The following FAP variants were observed in gnomAD, a reference collection of about 807,000 sequenced individuals.
The protein encoded by FAP is fibroblast activation protein alpha.
In FAP, 110 loss-of-function variants were observed where a neutral mutation model predicts 126.5. That is an observed-to-expected ratio of 0.87 (90% CI 0.74 to 1.02). FAP has a LOEUF of 1.02. Ranked by LOEUF, FAP falls within the 50% of genes least tolerant of loss-of-function variation. The pLI is 0.00. For synonymous variants in FAP, 334 were observed against 297.3 expected (o/e 1.12, Z -1.27); for missense variants, 919 against 909.2 (o/e 1.01, Z -0.14).
At chr2:162,213,308 G>A (rs1205265518) in intron 11 of FAP, among the ~76,000 whole-genome samples, 3 of 151,316 alleles carry the variant, frequency 2.0e-5, no homozygotes, top group Non-Finnish European at 2.9e-5. Context: ...CCTGGGAGAC[G>A]GAGGTTGCAG....
In FAP at chr2:162,189,180, GAA is replaced by G. The variant is rs752602628; in HGVS notation, c.1550-10_1550-9del. On this transcript the variant is annotated splice_polypyrimidine_tract_variant and intron_variant, in intron 18 of 25. Transcript: ENST00000188790. Reference sequence around the variant, plus strand: ...TCATCTTGTACCATAAAGCTTTGAGGAAAAAAAAAGGAGAAAAATCTTCATTC... The same window carrying G: ...TCATCTTGTACCATAAAGCTTTGAGGAAAAAAAGGAGAAAAATCTTCATTC... The G allele has an allele frequency of 2.0e-6, 3 of 1,536,692 alleles. No individual in the cohort carries two copies. Among genetic ancestry groups the G allele is most frequent in the Non-Finnish European group, 2.6e-6 (3 of 1,132,898 alleles).
At chr2:162,209,416 T>C (rs1688839239) in intron 12 of FAP, among the ~76,000 whole-genome samples, 1 of 152,164 alleles carries the variant, frequency 6.6e-6, no homozygotes, top group African/African-American at 2.4e-5. Flanking sequence ...ATCCTAAACT[T>C]CCAAATATAA....
At chr2:162,215,223 A>G (rs1314558360) in intron 10 of FAP, among the ~76,000 whole-genome samples, 1 of 152,214 alleles carries the variant, frequency 6.6e-6, no homozygotes, top group Non-Finnish European at 1.5e-5. Flanking sequence ...TTCGTGAAGC[A>G]GAAGGGGAAG....
chr2:162,190,195 C>T (rs1310380512), intron 17 of FAP, among the ~76,000 whole-genome samples: 3 of 151,890 alleles, frequency 2.0e-5, no homozygotes, highest in African/African-American at 4.8e-5. Flanking sequence ...CCAAAATTTG[C>T]TTTTTAATTT....
At chr2:162,207,104 T>C (rs2106255805) in intron 12 of FAP, among the ~76,000 whole-genome samples, 1 of 152,344 alleles carries the variant, frequency 6.6e-6, no homozygotes, top group Admixed American at 6.5e-5. Context: ...TACACATTTC[T>C]AGTTTTTTCT....
chr2:162,217,610 T>A lies in FAP; in HGVS notation c.762+376A>T, dbSNP rs576921952. Reference sequence around the variant, plus strand: ...CCTGACAGGAACATCAAATTCAGCATTTGTATTTCATATTCTAGTTTGCAT... The same window carrying A: ...CCTGACAGGAACATCAAATTCAGCAATTGTATTTCATATTCTAGTTTGCAT... On this transcript the variant is annotated intron_variant, in intron 9 of 25. Transcript: ENST00000188790. Among the ~76,000 whole-genome samples, 8 of 152,298 alleles carry A rather than the reference T, an allele frequency of 5.3e-5. No homozygotes were observed. The East Asian group carries it at 1.5e-3, about 29-fold the overall frequency.
chr2:162,226,753 C>A, intron 2 of FAP, 132 bp from the exon 3 acceptor site: 1 of 546,248 alleles, frequency 1.8e-6, no homozygotes, highest in Non-Finnish European at 3.3e-6. Flanking sequence ...TTGTTGAACT[C>A]CTATCATCAT....
chr2:162,186,696 T>C (rs1356089213), intron 20 of FAP, among the ~76,000 whole-genome samples: 1 of 152,134 alleles, frequency 6.6e-6, no homozygotes, highest in Non-Finnish European at 1.5e-5. Flanking sequence ...TTTTCATCTC[T>C]GTTTTCATGT....
At chr2:162,215,720 T>C (rs1689135887) in intron 10 of FAP, among the ~76,000 whole-genome samples, 178 bp downstream of exon 10, 1 of 152,234 alleles carries the variant, frequency 6.6e-6, no homozygotes. Context: ...CGTTTATATG[T>C]GTAAAAGGGC....
intron 12 of FAP, 139 bp from the exon 13 acceptor site, chr2:162,203,284 C>T (rs762748309): frequency 9.8e-6 from 6 of 609,232 alleles, no homozygotes; most frequent in Non-Finnish European, 1.7e-5. Flanking sequence ...CTGTCATTCA[C>T]ATCTGAAATC....
At chr2:162,213,361 C>A (rs566312528) in intron 11 of FAP, among the ~76,000 whole-genome samples, 1 of 145,430 alleles carries the variant, frequency 6.9e-6, no homozygotes, top group African/African-American at 2.6e-5. Context: ...GGCGACAGAG[C>A]GAGACGCCAT....
intron 3 of FAP, among the ~76,000 whole-genome samples, chr2:162,225,911 A>G (rs1451568382): frequency 6.6e-6 from 1 of 152,190 alleles, no homozygotes; most frequent in Non-Finnish European, 1.5e-5. Context: ...CATAAATTAC[A>G]TTTAAGTTGT....
At chr2:162,242,046 C>T (rs1427721513) in intron 2 of FAP, among the ~76,000 whole-genome samples, 1 of 152,080 alleles carries the variant, frequency 6.6e-6, no homozygotes, top group South Asian at 2.1e-4. Flanking sequence ...AAGATATTTC[C>T]CACATTTGTT....
chr2:162,188,217 T>C lies in FAP; in HGVS notation c.1766A>G (p.Tyr589Cys), dbSNP rs181809917. ...FQGDKLLYAV[Y>C]RKLGVYEVED... is the part of the protein sequence containing the mutation. Reference sequence around the variant, plus strand: ...AACTTCATAAACACCCAGCTTTCGATACACTGCATAGAGGAGTTTGTCACC... The same window carrying C: ...AACTTCATAAACACCCAGCTTTCGACACACTGCATAGAGGAGTTTGTCACC... Residue 589 changes from tyrosine to cysteine, a missense_variant, in exon 20 of 26, where the codon TAT (tyrosine) becomes TGT (cysteine). Transcript: ENST00000188790. 2 of 1,613,224 alleles carry C rather than the reference T, an allele frequency of 1.2e-6. No individual in the cohort carries two copies. Among genetic ancestry groups the C allele is most frequent in the African/African-American group, 1.3e-5 (1 of 74,962 alleles).
Position 162,173,198 on chromosome 2 carries a change from T to A in FAP, c.2058A>T (p.Ala686=). The A allele has an allele frequency of 6.2e-7, 1 of 1,613,208 alleles. No homozygotes were observed. Residue 686 remains alanine, a synonymous_variant, in exon 24 of 26, where the codon GCA becomes GCT. Coordinates refer to ENST00000188790, the MANE Select transcript of FAP (RefSeq NM_004460.5). ...HYKNSTVMAR[A]EYFRNVDYLL... is the part of the protein sequence containing the mutation. ...GATAGTCTACATTTCTGAAATATTC[T>A]GCTCTTGCCATCACAGTTGAATTCT...
chr2:162,219,153 T>G lies in FAP; in HGVS notation c.517A>C (p.Lys173Gln), dbSNP rs1383942001. Residue 173 changes from lysine (K) to glutamine (Q), a missense_variant, in exon 8 of 26, where the codon AAA becomes CAA. Physicochemically the swap from Lys to Gln is moderately conservative, Grantham distance 53 (BLOSUM62 1). Coordinates refer to ENST00000188790, the MANE Select transcript of FAP (RefSeq NM_004460.5). Reference sequence around the variant, plus strand: ...AAAGGTGGATCTCCTGGTCTTTGTTTCAAATAGATATTGTTTTGATAGACA... The same window carrying G: ...AAAGGTGGATCTCCTGGTCTTTGTTGCAAATAGATATTGTTTTGATAGACA... ...AYVYQNNIYL[K>Q]QRPGDPPFQI... is the part of the protein sequence containing the mutation. The G allele has an allele frequency of 1.9e-6, 3 of 1,607,696 alleles. No individual in the cohort carries two copies. In the African/African-American group the frequency reaches 4.0e-5, roughly 22 times the overall value.
chr2:162,171,075 G>C lies in FAP; in HGVS notation c.2187C>G (p.Tyr729Ter). ...NAQVDFQAMW[Y>*]SDQNHGLSGL... Reference sequence around the variant, plus strand: ...CGGATAAGCCGTGGTTCTGGTCAGAGTACCACTGAAACACAAAGAAAAAAG... The same window carrying C: ...CGGATAAGCCGTGGTTCTGGTCAGACTACCACTGAAACACAAAGAAAAAAG... Residue 729 changes from tyrosine to a stop codon, truncating the protein, a stop_gained, in exon 26 of 26, where the codon TAC (tyrosine) becomes TAG (stop). Coordinates refer to ENST00000188790, the MANE Select transcript of FAP (RefSeq NM_004460.5). LOFTEE classifies it high-confidence loss of function. The C allele has an allele frequency of 1.9e-6, 3 of 1,612,388 alleles. No individual in the cohort carries two copies. The highest frequency in any genetic ancestry group is 2.5e-6 in the Non-Finnish European group (3 of 1,178,920).
At chr2:162,194,647 A>G (rs1688176544) in intron 17 of FAP, 54 bp downstream of exon 17, 3 of 1,526,792 alleles carry the variant, frequency 2.0e-6, no homozygotes, top group Non-Finnish European at 2.7e-6. Context: ...GCGGAGCATC[A>G]CAGAGAGTTC....
At chr2:162,240,351 C>T (rs1282013928) in intron 2 of FAP, among the ~76,000 whole-genome samples, 1 of 152,208 alleles carries the variant, frequency 6.6e-6, no homozygotes, top group Non-Finnish European at 1.5e-5. Flanking sequence ...TTTAATTATT[C>T]CTAAACCCTT....
Sources: gnomAD v4.1 joint callset for allele counts (sites outside exome capture counted in the v4.1 genomes callset) on GRCh38, gnomAD v4.1.1 for gene constraint, MANE v1.5 for transcripts, NCBI Gene and HGNC (gene_info 2026-07-23, HGNC 2026-07-21) for gene names.